The following DENND1B variants were observed in gnomAD, a reference collection of about 807,000 sequenced individuals.
DENND1B encodes the protein DENN domain-containing protein 1B.
A neutral mutation model predicts 90.1 loss-of-function variants in DENND1B; 59 were observed. That is an observed-to-expected ratio of 0.65 (90% confidence interval 0.53 to 0.81). The LOEUF is 0.81. DENND1B is among the 40% of genes least tolerant of loss of function. The pLI is 0.00. For synonymous variants in DENND1B, 337 were observed against 324.6 expected (o/e 1.04, Z -0.41); for missense variants, 862 against 912.6 (o/e 0.94, Z 0.71).
At chr1:197,734,248 T>C in intron 2 of DENND1B, 1 of 905,190 alleles carries the variant, frequency 1.1e-6, no homozygotes, top group Non-Finnish European at 1.3e-6. Context: ...AAACCATTCT[T>C]ATAAAAACTA....
intron 5 of DENND1B, among the ~76,000 whole-genome samples, chr1:197,662,300 T>C (rs1020671345): frequency 3.3e-5 from 5 of 152,006 alleles, no homozygotes; most frequent in African/African-American, 7.2e-5. Flanking sequence ...GTTAAAACAA[T>C]TGGAAGTGCA....
chr1:197,631,728 AT>A (rs1027908389), intron 10 of DENND1B, among the ~76,000 whole-genome samples: 1 of 151,730 alleles, frequency 6.6e-6, no homozygotes, highest in African/African-American at 2.4e-5. Context: ...AATTATATAT[AT>A]TTTAATGTTA....
rs758317813 is a variant in DENND1B at position 197,510,503 on chromosome 1, C to T, written c.2285G>A (p.Ser762Asn). ...TGTGTTTTTGTCTGAAATGTTCAAG[C>T]TTTGTTGGAAGTCAGATGTCATATG... is the stretch of plus-strand genomic sequence containing the variant. ...LCHMTSDFQQ[S>N]LNISDKNTNG... Residue 762 changes from serine (S) to asparagine (N), a missense_variant, in exon 23 of 23, where the codon AGC (serine) becomes AAC (asparagine). Ser to Asn is a conservative substitution (Grantham distance 46). Transcript: ENST00000620048. 1.6e-5 allele frequency: 25 copies of T among 1,610,716 alleles called. No individual in the cohort carries two copies. In the African/African-American group the frequency reaches 3.1e-4, roughly 20 times the overall value.
intron 12 of DENND1B, among the ~76,000 whole-genome samples, chr1:197,609,696 C>A (rs1027127329): frequency 1.6e-5 from 2 of 121,226 alleles, no homozygotes; most frequent in Non-Finnish European, 3.5e-5. Context: ...CTGCAGTTTT[C>A]GCCATTAAAA....
rs568517715 is a variant in DENND1B at position 197,720,681 on chromosome 1, C to T, written c.83-5607G>A. ...TTTTGCCATTTTTCCTTGGCACAGA[C>T]TCCGGCAAAACACAGATTTACTGCA... On this transcript the variant is annotated intron_variant, in intron 2 of 22. Coordinates refer to ENST00000620048, the MANE Select transcript of DENND1B (RefSeq NM_001195215.2). Among the ~76,000 whole-genome samples the T allele has an allele frequency of 1.2e-4, 18 of 152,236 alleles. 1 individual carries two copies. In the East Asian group the frequency reaches 3.5e-3, roughly 29 times the overall value.
intron 2 of DENND1B, among the ~76,000 whole-genome samples, chr1:197,757,116 C>A (rs1654411091): frequency 6.6e-6 from 1 of 151,850 alleles, no homozygotes; most frequent in Non-Finnish European, 1.5e-5. Context: ...TTAAAAATAA[C>A]CTTCTATTTA....
intron 10 of DENND1B, among the ~76,000 whole-genome samples, chr1:197,635,130 G>A (rs1679669987): frequency 6.6e-6 from 1 of 152,164 alleles, no homozygotes; most frequent in South Asian, 2.1e-4. Flanking sequence ...ATGTCAAAGA[G>A]ATAAATCAAG....
At chr1:197,703,426 TATTAGAA>T (rs1659232777) in intron 3 of DENND1B, among the ~76,000 whole-genome samples, 1 of 152,188 alleles carries the variant, frequency 6.6e-6, no homozygotes, top group Admixed American at 6.5e-5. Flanking sequence ...AAATGTATTA[TATTAGAA>T]ATTAAACTTG....
At chr1:197,569,069 C>CA (rs1672926938) in intron 15 of DENND1B, among the ~76,000 whole-genome samples, 2 of 151,902 alleles carry the variant, frequency 1.3e-5, no homozygotes, top group African/African-American at 4.8e-5. Flanking sequence ...ATAAAGAACT[C>CA]AAACAAATTA....
At position 197,510,332 on chromosome 1, in the gene DENND1B, T is replaced by C. The variant is rs1667933655; in HGVS notation, c.*128A>G. Reference sequence around the variant, plus strand: ...TTCATATATCCTCGAAATGAACAAGTGAGAAAAATGTTGCAAATGCAAAAA... The same window carrying C: ...TTCATATATCCTCGAAATGAACAAGCGAGAAAAATGTTGCAAATGCAAAAA... On this transcript the variant is annotated 3_prime_UTR_variant, in exon 23 of 23. Transcript: ENST00000620048. The C allele has an allele frequency of 4.8e-6, 5 of 1,041,710 alleles. No individual in the cohort carries two copies. The highest frequency in any genetic ancestry group is 3.2e-4 in the Middle Eastern group (1 of 3,132). 64.5% of individuals were successfully genotyped at this position (1,041,710 alleles called of 1,614,324 possible). A position where few individuals can be genotyped will look rare whatever the true frequency, so the allele number is the denominator to read the frequency against.
chr1:197,640,472 CAA>C (rs764461153), intron 10 of DENND1B, among the ~76,000 whole-genome samples: 10 of 91,240 alleles, frequency 1.1e-4, no homozygotes, highest in Admixed American at 2.3e-4. Context: ...GACTCTGTCT[CAA>C]AAAAAAAAAA....
intron 7 of DENND1B, among the ~76,000 whole-genome samples, chr1:197,650,588 C>T (rs1653025414): frequency 6.6e-6 from 1 of 152,154 alleles, no homozygotes; most frequent in South Asian, 2.1e-4. Context: ...CAGCACAATT[C>T]ACAACTGCAA....
Position 197,544,667 on chromosome 1 carries a change from G to T in DENND1B, c.1350+1255C>A, listed in dbSNP as rs188285639. On this transcript the variant is annotated intron_variant, in intron 18 of 22. Coordinates refer to ENST00000620048, the MANE Select transcript of DENND1B (RefSeq NM_001195215.2). ...AAATACACTAACATTAACACAAGCT[G>T]ATAAGCTAAAAAAGAAAAGGAAAGA... Among the ~76,000 whole-genome samples the T allele has an allele frequency of 4.0e-5, 6 of 150,808 alleles. No individual in the cohort carries two copies. In the East Asian group the frequency reaches 1.2e-3, roughly 30 times the overall value.
chr1:197,671,840 G>A (rs74420582), intron 5 of DENND1B, among the ~76,000 whole-genome samples, 197 bp downstream of exon 5: 2,122 of 151,814 alleles, frequency 0.014, 23 homozygotes, highest in Middle Eastern at 0.075. Flanking sequence ...TTAAAAAATC[G>A]ATTATTTCAA....
At chr1:197,759,370 G>A (rs895177950) in intron 2 of DENND1B, among the ~76,000 whole-genome samples, 1 of 150,044 alleles carries the variant, frequency 6.7e-6, no homozygotes, top group Non-Finnish European at 1.5e-5. Context: ...AGGAACTAAA[G>A]AATTAAGCTA....
chr1:197,601,739 T>G lies in DENND1B; in HGVS notation c.921+5334A>C, dbSNP rs766893944. On this transcript the variant is annotated intron_variant, in intron 13 of 22. Coordinates refer to ENST00000620048, the MANE Select transcript of DENND1B (RefSeq NM_001195215.2). ...GGGGGTATTACCAAAGCCTGGATCA[T>G]TGCTGTGGGAAAGCCAGGTTCTCTT... Among the ~76,000 whole-genome samples, 13 of 151,682 alleles carry G rather than the reference T, an allele frequency of 8.6e-5. 1 individual carries two copies. Among genetic ancestry groups the G allele is most frequent in the Non-Finnish European group, 4.4e-5 (3 of 67,762 alleles).
At chr1:197,584,202 CAA>C (rs1558271310) in intron 14 of DENND1B, among the ~76,000 whole-genome samples, 1 of 151,972 alleles carries the variant, frequency 6.6e-6, no homozygotes, top group African/African-American at 2.4e-5. Context: ...AAGGAAGACT[CAA>C]TATTATTACA....
At position 197,735,668 on chromosome 1, in the gene DENND1B, C is replaced by T. The variant is rs766559625; in HGVS notation, c.83-20594G>A. 2.5e-6 allele frequency: 4 copies of T among 1,614,038 alleles called. No homozygotes were observed. The South Asian group carries it at 4.4e-5, about 18-fold the overall frequency. ...TCGAGCTATGCGGTTTCAGCCGGTACAAGGTCTACCCCGGACACGGGAGGC... is the reference window on the plus strand; with the variant it reads ...TCGAGCTATGCGGTTTCAGCCGGTATAAGGTCTACCCCGGACACGGGAGGC... On this transcript the variant is annotated intron_variant, in intron 2 of 22. Coordinates refer to ENST00000620048, the MANE Select transcript of DENND1B (RefSeq NM_001195215.2).
chr1:197,735,182 A>G, intron 2 of DENND1B: 1 of 1,001,758 alleles, frequency 1.0e-6, no homozygotes, highest in Non-Finnish European at 1.2e-6. Flanking sequence ...ACAATATTGA[A>G]TGGGTCCAAC....
Sources: allele counts gnomAD v4.1 joint callset (sites outside exome capture counted in the v4.1 genomes callset), GRCh38; gene constraint gnomAD v4.1.1; transcripts MANE v1.5; gene names NCBI Gene and HGNC (gene_info 2026-07-23, HGNC 2026-07-21).